The following GATAD2B variants were observed in gnomAD, a reference collection of about 807,000 sequenced individuals.
GATAD2B encodes the protein transcriptional repressor p66-beta.
GATAD2B carries 8 observed loss-of-function variants against 64.3 expected under a neutral mutation model. That is an observed-to-expected ratio of 0.12 (90% CI 0.07 to 0.22). GATAD2B has a LOEUF of 0.22. Ranked by LOEUF, GATAD2B falls within the 10% of genes least tolerant of loss-of-function variation. The pLI is 1.00. For missense variants in GATAD2B, 453 were observed against 752.0 expected, an observed-to-expected ratio of 0.60 and a Z score of 4.65; for synonymous variants, 281 against 271.3, an observed-to-expected ratio of 1.04 and a Z score of -0.35.
chr1:153,842,977 CAG>C (rs974039822), intron 1 of GATAD2B, among the ~76,000 whole-genome samples: 5 of 117,780 alleles, frequency 4.2e-5, no homozygotes, highest in African/African-American at 1.6e-4. Flanking sequence ...TTTTTTGAGA[CAG>C]AGTCTCGCTG....
chr1:153,843,275 C>T (rs774685970), intron 1 of GATAD2B, among the ~76,000 whole-genome samples: 125 of 151,854 alleles, frequency 8.2e-4, no homozygotes, highest in Non-Finnish European at 1.3e-3. Context: ...GCTAGGACTA[C>T]AGGTGCACAC....
chr1:153,853,359 G>A, intron 1 of GATAD2B: 1 of 696,018 alleles, frequency 1.4e-6, no homozygotes, highest in Non-Finnish European at 2.6e-6. Flanking sequence ...TCAAGGGCAG[G>A]TTGACCACCC....
intron 1 of GATAD2B, among the ~76,000 whole-genome samples, chr1:153,916,419 A>T (rs966750368): frequency 5.9e-5 from 9 of 152,344 alleles, no homozygotes; most frequent in African/African-American, 1.9e-4. Context: ...TTTAGAAAGT[A>T]ATAGGTAAGA....
Position 153,816,566 on chromosome 1 carries a change from C to T in GATAD2B, c.923G>A (p.Cys308Tyr). Reference sequence around the variant, plus strand: ...GATGGCAGAGGATGTTGTACGCTGACATGGAACAGAAGAACTTGACTGCTG... The same window carrying T: ...GATGGCAGAGGATGTTGTACGCTGATATGGAACAGAAGAACTTGACTGCTG... ...YQPQSSSSVPCQRTTSSAIYM... is the reference protein window; with the variant it reads ...YQPQSSSSVPYQRTTSSAIYM... The change falls in exon 7 of 11, where the codon TGT becomes TAT. Residue 308 changes from cysteine (C) to tyrosine (Y), a missense_variant. Around this residue, in one of 2 missense-constraint regions of GATAD2B, gnomAD observed 293 missense variants for 417.2 expected, o/e 0.70. Transcript: ENST00000368655. The surrounding 1 kb of genome is among the most constrained non-coding windows in gnomAD (Gnocchi z 4.9). The T allele has an allele frequency of 6.2e-7, 1 of 1,612,278 alleles. No individual in the cohort carries two copies.
intron 1 of GATAD2B, among the ~76,000 whole-genome samples, chr1:153,915,803 G>A (rs1047249201): frequency 6.7e-6 from 1 of 150,368 alleles, no homozygotes; most frequent in Non-Finnish European, 1.5e-5. Context: ...TTAACTATAA[G>A]GTACAGAAGT....
chr1:153,815,441 AC>A (rs1674446039), intron 7 of GATAD2B, among the ~76,000 whole-genome samples: 1 of 102,568 alleles, frequency 9.7e-6, no homozygotes, highest in Non-Finnish European at 2.0e-5. Flanking sequence ...GAAACAACAT[AC>A]AACAAAAACA....
chr1:153,893,095 G>C (rs1179692267), intron 1 of GATAD2B, among the ~76,000 whole-genome samples: 1 of 152,122 alleles, frequency 6.6e-6, no homozygotes, highest in Non-Finnish European at 1.5e-5. Flanking sequence ...GGAAAAACTT[G>C]TCTGGTCTGG....
chr1:153,844,224 CAT>C (rs1306470157), intron 1 of GATAD2B, among the ~76,000 whole-genome samples: 1 of 151,668 alleles, frequency 6.6e-6, no homozygotes, highest in Non-Finnish European at 1.5e-5. Context: ...GAAAAAAAAA[CAT>C]ATGAAAGGAA....
chr1:153,898,320 AAAAGAAAAAAAGAAAAAAGAAAAAC>A (rs1457588672), intron 1 of GATAD2B, among the ~76,000 whole-genome samples: 41 of 144,344 alleles, frequency 2.8e-4, no homozygotes, highest in African/African-American at 8.8e-4. Flanking sequence ...AAAAAAAAAA[AAAAGAAAAAAAGAAAAAAGAAAAAC>A]AAAAACAAAA....
At chr1:153,881,017 T>G (rs1676993081) in intron 1 of GATAD2B, among the ~76,000 whole-genome samples, 1 of 152,080 alleles carries the variant, frequency 6.6e-6, no homozygotes, top group Admixed American at 6.6e-5. Context: ...GTATTTTTCT[T>G]GCTCTAAGCC....
intron 1 of GATAD2B, among the ~76,000 whole-genome samples, chr1:153,884,717 T>C (rs934265515): frequency 6.6e-6 from 1 of 152,200 alleles, no homozygotes; most frequent in Non-Finnish European, 1.5e-5. Context: ...GAGCATTTAA[T>C]GCACCAAGCC....
At chr1:153,842,958 T>C (rs1343827807) in intron 1 of GATAD2B, among the ~76,000 whole-genome samples, 1 of 148,188 alleles carries the variant, frequency 6.7e-6, no homozygotes, top group Non-Finnish European at 1.5e-5. Flanking sequence ...CCCAGCCTTT[T>C]TTTTTTTTTT....
intron 1 of GATAD2B, among the ~76,000 whole-genome samples, chr1:153,905,055 A>T (rs1241875246): frequency 2.0e-5 from 3 of 152,078 alleles, no homozygotes; most frequent in Non-Finnish European, 4.4e-5. Flanking sequence ...TATGTTGGCC[A>T]GGCTGGTCTC....
chr1:153,817,592 A>G lies in GATAD2B; in HGVS notation c.730-50T>C, dbSNP rs549341256. On this transcript the variant is annotated intron_variant, in intron 5 of 10. Coordinates refer to ENST00000368655, the MANE Select transcript of GATAD2B (RefSeq NM_020699.4). ...ACTAATCACAGGTTGTACGCTGTGT[A>G]TAATACAGCACAAAATGCAAAAGGG... 97 of 1,328,072 alleles carry G rather than the reference A, an allele frequency of 7.3e-5. 2 individuals are homozygous for G. The South Asian group carries it at 1.4e-3, about 19-fold the overall frequency. The allele number at this position is 1,328,072 out of a possible 1,614,324, so 82.3% of individuals were successfully genotyped here.
At chr1:153,869,291 C>A (rs76452937) in intron 1 of GATAD2B, among the ~76,000 whole-genome samples, 31 of 144,076 alleles carry the variant, frequency 2.2e-4, no homozygotes, top group South Asian at 4.4e-4. Flanking sequence ...GACTATATCT[C>A]AAAAAAAAAA....
intron 1 of GATAD2B, among the ~76,000 whole-genome samples, chr1:153,861,822 A>ATACATG (rs1553194180): frequency 7.3e-6 from 1 of 136,260 alleles, no homozygotes; most frequent in East Asian, 2.1e-4. Flanking sequence ...ACATATGTAT[A>ATACATG]TATATGTATA....
intron 1 of GATAD2B, among the ~76,000 whole-genome samples, chr1:153,834,380 A>G (rs192648881): frequency 1.3e-4 from 19 of 151,924 alleles, no homozygotes; most frequent in Admixed American, 3.3e-4. Flanking sequence ...AAGTAAAACT[A>G]TTAACATTTT....
intron 1 of GATAD2B, among the ~76,000 whole-genome samples, chr1:153,847,608 GTTA>G (rs1675734255): frequency 6.6e-6 from 1 of 151,800 alleles, no homozygotes; most frequent in African/African-American, 2.4e-5. Context: ...TGTCTTTAGT[GTTA>G]TTCTTTCAGG....
chr1:153,847,485 T>C (rs1675728643), intron 1 of GATAD2B, among the ~76,000 whole-genome samples: 2 of 152,188 alleles, frequency 1.3e-5, no homozygotes, highest in South Asian at 2.1e-4. Flanking sequence ...TGAACTCAAG[T>C]GATCCTCCTC....
Sources: gnomAD v4.1 joint callset for allele counts (sites outside exome capture counted in the v4.1 genomes callset) on GRCh38, gnomAD v4.1.1 for gene constraint, gnomAD v4.1.1 regional missense constraint, Gnocchi (gnomAD v3.1) non-coding constraint, MANE v1.5 for transcripts, NCBI Gene and HGNC (gene_info 2026-07-23, HGNC 2026-07-21) for gene names.